The following PRKCH variants were observed in gnomAD, a reference collection of about 807,000 sequenced individuals.
The protein encoded by PRKCH is protein kinase C eta type.
In PRKCH, 28 loss-of-function variants were observed where a neutral mutation model predicts 82.5. The observed-to-expected ratio is 0.34, with a 90% CI of 0.25 to 0.47. The LOEUF (loss-of-function observed/expected upper bound fraction) is 0.47. Among genes scored for constraint, PRKCH ranks in the 20% least tolerant of loss-of-function variants. The pLI, the probability that PRKCH is intolerant of heterozygous loss-of-function variation, is 1.00. For synonymous variants in PRKCH, 322 were observed against 327.4 expected (o/e 0.98, Z 0.18); for missense variants, 705 against 881.8 (o/e 0.80, Z 2.54).
chr14:61,275,871 T>G (rs982929013), intron 1 of PRKCH, among the ~76,000 whole-genome samples: 3 of 152,208 alleles, frequency 2.0e-5, no homozygotes, highest in African/African-American at 7.2e-5. Context: ...CAAAGTACAT[T>G]AAATAAAGGA....
chr14:61,499,572 G>A (rs1327326289), intron 10 of PRKCH, among the ~76,000 whole-genome samples: 2 of 152,046 alleles, frequency 1.3e-5, no homozygotes, highest in Non-Finnish European at 2.9e-5. Flanking sequence ...GTGCTTTCAC[G>A]TACAGAATTG....
At chr14:61,210,441 T>C (rs1306430857) in intron 1 of PRKCH, among the ~76,000 whole-genome samples, 2 of 152,094 alleles carry the variant, frequency 1.3e-5, no homozygotes, top group Non-Finnish European at 2.9e-5. Flanking sequence ...TCTATCAGCC[T>C]TTCCCCAACT....
intron 12 of PRKCH, among the ~76,000 whole-genome samples, chr14:61,535,919 A>C (rs1030069788): frequency 6.6e-5 from 10 of 152,256 alleles, no homozygotes; most frequent in African/African-American, 2.4e-4. Context: ...TGTCGTCTAA[A>C]ATTTCCACAT....
chr14:61,529,288 T>G, intron 11 of PRKCH, 75 bp downstream of exon 11: 1 of 1,507,052 alleles, frequency 6.6e-7, no homozygotes, highest in Non-Finnish European at 8.9e-7. Flanking sequence ...CACTGGCTGC[T>G]TTTATGCACT....
intron 1 of PRKCH, among the ~76,000 whole-genome samples, chr14:61,383,723 A>G (rs528791624): frequency 3.9e-5 from 6 of 152,066 alleles, no homozygotes; most frequent in Non-Finnish European, 7.4e-5. Flanking sequence ...GAAGAGAGAC[A>G]GGTTTTCCAA....
At chr14:61,307,446 AAATC>A (rs1354976595) in intron 1 of PRKCH, among the ~76,000 whole-genome samples, 1 of 152,238 alleles carries the variant, frequency 6.6e-6, no homozygotes, top group East Asian at 1.9e-4. Context: ...AATGCTGTTT[AAATC>A]AATCAATCAG....
At chr14:61,451,897 A>G (rs566307445) in intron 6 of PRKCH, among the ~76,000 whole-genome samples, 16 of 152,346 alleles carry the variant, frequency 1.1e-4, no homozygotes, top group Admixed American at 3.3e-4. Context: ...ACATTCTTCT[A>G]TCTCTGTAGA....
intron 1 of PRKCH, among the ~76,000 whole-genome samples, chr14:61,295,706 CCTT>C (rs1213522457): frequency 1.3e-5 from 2 of 152,208 alleles, no homozygotes; most frequent in African/African-American, 4.8e-5. Flanking sequence ...CACACGTCTT[CCTT>C]CTTCTCCCTT....
chr14:61,245,838 A>G (rs564769094), intron 1 of PRKCH, among the ~76,000 whole-genome samples: 168 of 152,344 alleles, frequency 1.1e-3, no homozygotes, highest in African/African-American at 3.7e-3. Flanking sequence ...GAATCATGCT[A>G]GTATTTTATT....
At chr14:61,516,021 CCAAGATCACA>C (rs1000484398) in intron 10 of PRKCH, among the ~76,000 whole-genome samples, 1 of 152,050 alleles carries the variant, frequency 6.6e-6, no homozygotes, top group African/African-American at 2.4e-5. Context: ...AGTAACTTGC[CCAAGATCACA>C]CAGCTAGTAA....
At chr14:61,483,545 G>A (rs1886075917) in intron 9 of PRKCH, among the ~76,000 whole-genome samples, 1 of 150,928 alleles carries the variant, frequency 6.6e-6, no homozygotes, top group South Asian at 2.1e-4. Context: ...ATAAATTCAG[G>A]GGATTTTTTT....
At chr14:61,515,725 G>C (rs1468426094) in intron 10 of PRKCH, among the ~76,000 whole-genome samples, 1 of 152,118 alleles carries the variant, frequency 6.6e-6, no homozygotes, top group Admixed American at 6.5e-5. Flanking sequence ...TCACTTAATA[G>C]TAGGCATACC....
chr14:61,464,829 A>G (rs1434130287), intron 9 of PRKCH, among the ~76,000 whole-genome samples: 1 of 152,182 alleles, frequency 6.6e-6, no homozygotes, highest in Admixed American at 6.5e-5. Flanking sequence ...GGTATTGTAA[A>G]TAGTGCTGCA....
chr14:61,457,075 AC>A, intron 7 of PRKCH, 100 bp from the exon 8 acceptor site: 2 of 1,283,740 alleles, frequency 1.6e-6, no homozygotes, highest in Non-Finnish European at 2.1e-6. Flanking sequence ...CCCACGTTAT[AC>A]TGGGGGTGAG....
chr14:61,377,109 C>T (rs1162077280), intron 1 of PRKCH, among the ~76,000 whole-genome samples: 1 of 152,186 alleles, frequency 6.6e-6, no homozygotes, highest in Non-Finnish European at 1.5e-5. Flanking sequence ...ACTGTCATCT[C>T]CCCTTTAAAG....
chr14:61,543,125 C>G (rs2043209303), intron 12 of PRKCH, among the ~76,000 whole-genome samples: 1 of 152,224 alleles, frequency 6.6e-6, no homozygotes, highest in South Asian at 2.1e-4. Context: ...GTCAGAGAAG[C>G]TGTTAGTTCT....
intron 1 of PRKCH, 97 bp downstream of exon 1, chr14:61,322,561 T>G: frequency 3.4e-6 from 5 of 1,465,870 alleles, no homozygotes; most frequent in Non-Finnish European, 4.5e-6. Context: ...CATCGCTTTG[T>G]GGCTGAGGGA....
In PRKCH at chr14:61,547,896, C is replaced by G; in HGVS notation, c.1905+10C>G. ...TTTCAGACCCAGAATCGTAAGTGTC[C>G]CAGGCTGTCACAGAGACATTCCTTT... On this transcript the variant is annotated intron_variant, in intron 13 of 13. Coordinates refer to ENST00000332981, the MANE Select transcript of PRKCH (RefSeq NM_006255.5). The G allele has an allele frequency of 1.2e-6, 2 of 1,611,972 alleles. No homozygotes were observed. Among genetic ancestry groups the G allele is most frequent in the Non-Finnish European group, 1.7e-6 (2 of 1,178,650 alleles).
Position 61,280,648 on chromosome 14 carries a change from T to A in PRKCH, c.-19+92980T>A. On this transcript the variant is annotated intron_variant, in intron 1 of 3. Transcript: ENST00000555185. The surrounding 1 kb of genome is among the most constrained non-coding windows in gnomAD (Gnocchi z 5.0). ...CGAGAAGGAGTCGTTGAAGAGGCTG[T>A]TGGCGATGGCGCCGCAGGGCGCGAT... 2 of 1,572,124 alleles carry A rather than the reference T, an allele frequency of 1.3e-6. No individual in the cohort carries two copies.
Sources: allele counts gnomAD v4.1 joint callset (sites outside exome capture counted in the v4.1 genomes callset), GRCh38; gene constraint gnomAD v4.1.1; non-coding constraint Gnocchi (gnomAD v3.1); transcripts MANE v1.5; gene names NCBI Gene and HGNC (gene_info 2026-07-23, HGNC 2026-07-21).